HS6ST3: variants seen among roughly 807,000 people sequenced by gnomAD.
HS6ST3 encodes heparan sulfate 6-O-sulfotransferase 3, also known as heparan-sulfate 6-O-sulfotransferase 3.
In HS6ST3, 12 loss-of-function variants were observed where a neutral mutation model predicts 36.7. The ratio of observed to expected loss-of-function variants is 0.33; its 90% CI spans 0.21 to 0.53. The LOEUF is 0.53. HS6ST3 is among the 20% of genes least tolerant of loss of function. The probability of loss-of-function intolerance (pLI) is 0.95; values close to 1 mark genes in which losing one functional copy is unlikely to be tolerated. For synonymous variants in HS6ST3, 240 were observed against 257.5 expected (o/e 0.93, Z 0.65); for missense variants, 584 against 640.9 (o/e 0.91, Z 0.96).
intron 1 of HS6ST3, among the ~76,000 whole-genome samples, chr13:96,762,619 C>G (rs1331486670): frequency 6.6e-6 from 1 of 152,264 alleles, no homozygotes; most frequent in Admixed American, 6.5e-5. Context: ...TCTGTGTAGG[C>G]TCCAGCTGGA....
chr13:96,663,610 A>G (rs1354098514), intron 1 of HS6ST3, among the ~76,000 whole-genome samples: 2 of 152,194 alleles, frequency 1.3e-5, no homozygotes, highest in Non-Finnish European at 2.9e-5. Context: ...CTAACAAGTT[A>G]AATATAACTG....
chr13:96,825,456 G>T (rs773787876), intron 1 of HS6ST3, among the ~76,000 whole-genome samples: 10 of 152,092 alleles, frequency 6.6e-5, no homozygotes, highest in Non-Finnish European at 1.3e-4. Flanking sequence ...ACAGAAAGCC[G>T]GGGAGAGCAG....
chr13:96,689,690 C>A (rs374049412), intron 1 of HS6ST3, among the ~76,000 whole-genome samples: 1 of 140,038 alleles, frequency 7.1e-6, no homozygotes, highest in Non-Finnish European at 1.5e-5. Context: ...GAAAATGCAG[C>A]ACAAGTTGTG....
chr13:96,137,817 C>G (rs1476005380), intron 1 of HS6ST3, among the ~76,000 whole-genome samples: 1 of 152,190 alleles, frequency 6.6e-6, no homozygotes, highest in African/African-American at 2.4e-5. Flanking sequence ...CAGGGACTAT[C>G]CTGAACATTT....
chr13:96,108,750 C>A (rs117138569), intron 1 of HS6ST3, among the ~76,000 whole-genome samples: 1 of 152,066 alleles, frequency 6.6e-6, no homozygotes, highest in Non-Finnish European at 1.5e-5. Context: ...GAGAAGAGAG[C>A]AGAAAATAAA....
intron 1 of HS6ST3, among the ~76,000 whole-genome samples, chr13:96,495,337 T>C (rs768790400): frequency 1.3e-5 from 2 of 152,208 alleles, no homozygotes; most frequent in Non-Finnish European, 2.9e-5. Flanking sequence ...TTGTTTTTAC[T>C]TTTGGTTTTT....
intron 1 of HS6ST3, among the ~76,000 whole-genome samples, chr13:96,543,945 A>T (rs1395929673): frequency 7.0e-6 from 1 of 143,722 alleles, no homozygotes; most frequent in Non-Finnish European, 1.5e-5. Context: ...ATATGATATG[A>T]TGGGGAGATA....
rs565879191 is a variant in HS6ST3 at position 96,179,599 on chromosome 13, CTCT to C, written c.707+88037_707+88039del. Among the ~76,000 whole-genome samples the C allele has an allele frequency of 2.9e-3, 449 of 152,232 alleles. 1 individual carries two copies. The highest frequency in any genetic ancestry group is 0.01 in the African/African-American group (427 of 41,548). On this transcript the variant is annotated intron_variant, in intron 1 of 1. Coordinates refer to ENST00000376705, the MANE Select transcript of HS6ST3 (RefSeq NM_153456.4). ...TAGTCTTGCAAAGATCATTCACGGC[CTCT>C]TCTTCTCCTTTTGGGCCAACATGCG...
At chr13:96,392,611 G>C (rs2055401537) in intron 1 of HS6ST3, among the ~76,000 whole-genome samples, 1 of 152,184 alleles carries the variant, frequency 6.6e-6, no homozygotes, top group South Asian at 2.1e-4. Context: ...GTTGAAATAG[G>C]GTTAGGAGAG....
chr13:96,704,750 G>A lies in HS6ST3; in HGVS notation c.708-127740G>A, dbSNP rs1399820906. On this transcript the variant is annotated intron_variant, in intron 1 of 1. Coordinates refer to ENST00000376705, the MANE Select transcript of HS6ST3 (RefSeq NM_153456.4). ...GGCAGGGAGACTGACTCAGAGGACT[G>A]CAAGAGAAAGAAATTCCCCCAAATT... is the stretch of plus-strand genomic sequence containing the variant. Among the ~76,000 whole-genome samples the A allele has an allele frequency of 2.6e-5, 4 of 152,088 alleles. 1 individual carries two copies. Among genetic ancestry groups the A allele is most frequent in the Non-Finnish European group, 5.9e-5 (4 of 68,014 alleles).
intron 1 of HS6ST3, among the ~76,000 whole-genome samples, chr13:96,773,819 G>A (rs1453814730): frequency 1.3e-5 from 2 of 152,180 alleles, no homozygotes; most frequent in Non-Finnish European, 2.9e-5. Context: ...CACAGTGTTC[G>A]AGCTCTGCTA....
chr13:96,725,650 A>T (rs764162265), intron 1 of HS6ST3, among the ~76,000 whole-genome samples: 9 of 151,894 alleles, frequency 5.9e-5, no homozygotes, highest in Non-Finnish European at 1.2e-4. Context: ...TGTTGAGAAC[A>T]CAGTTTTTCA....
chr13:96,821,654 C>T (rs968197601), intron 1 of HS6ST3, among the ~76,000 whole-genome samples: 3 of 152,282 alleles, frequency 2.0e-5, no homozygotes, highest in Admixed American at 6.5e-5. Flanking sequence ...AGTTAGCATT[C>T]CTCTTAATCA....
At chr13:96,820,408 G>A (rs767197718) in intron 1 of HS6ST3, among the ~76,000 whole-genome samples, 3 of 151,858 alleles carry the variant, frequency 2.0e-5, no homozygotes, top group Non-Finnish European at 2.9e-5. Context: ...GTATATAAAT[G>A]GTGAGGCTCT....
intron 1 of HS6ST3, among the ~76,000 whole-genome samples, chr13:96,736,826 G>A (rs1594848455): frequency 6.6e-6 from 1 of 152,198 alleles, no homozygotes; most frequent in East Asian, 1.9e-4. Context: ...ACAGCTATGT[G>A]GAAATTTTCA....
In HS6ST3 at chr13:96,494,220, A is replaced by T. The variant is rs193172292; in HGVS notation, c.708-338270A>T. On this transcript the variant is annotated intron_variant, in intron 1 of 1. Transcript: ENST00000376705. ...ATGGAATACTATGCAGCCATAAAAAATGATGAGTTCATATCCTTTGTAGGG... is the reference window on the plus strand; with the variant it reads ...ATGGAATACTATGCAGCCATAAAAATTGATGAGTTCATATCCTTTGTAGGG... Among the ~76,000 whole-genome samples the T allele has an allele frequency of 8.8e-3, 1,339 of 152,234 alleles. 16 individuals carry two copies. Among genetic ancestry groups the T allele is most frequent in the Non-Finnish European group, 0.013 (859 of 68,006 alleles).
chr13:96,689,827 G>A (rs531357881), intron 1 of HS6ST3, among the ~76,000 whole-genome samples: 5 of 102,218 alleles, frequency 4.9e-5, no homozygotes, highest in South Asian at 3.1e-4. Flanking sequence ...GTGGGCTGCA[G>A]GCACCTCTTT....
intron 1 of HS6ST3, among the ~76,000 whole-genome samples, chr13:96,665,074 A>C (rs969439670): frequency 5.3e-5 from 8 of 152,162 alleles, no homozygotes; most frequent in Non-Finnish European, 8.8e-5. Context: ...CAGGAGGCTG[A>C]GCTGGGAGGA....
chr13:96,359,180 G>A (rs961159297), intron 1 of HS6ST3, among the ~76,000 whole-genome samples: 8 of 152,100 alleles, frequency 5.3e-5, no homozygotes, highest in Non-Finnish European at 7.4e-5. Flanking sequence ...GGCAAGATGA[G>A]TGGGGTTCTC....
Sources: allele counts gnomAD v4.1 joint callset (sites outside exome capture counted in the v4.1 genomes callset), GRCh38; gene constraint gnomAD v4.1.1; transcripts MANE v1.5; gene names NCBI Gene and HGNC (gene_info 2026-07-23, HGNC 2026-07-21).